The following CAMK4 variants were observed in gnomAD, a reference collection of about 807,000 sequenced individuals.
CAMK4 encodes calcium/calmodulin-dependent protein kinase type IV.
Under a neutral mutation model 44.9 loss-of-function variants are expected in CAMK4, and 22 were observed. The observed-to-expected ratio is 0.49, with a 90% CI of 0.35 to 0.70. The LOEUF (loss-of-function observed/expected upper bound fraction) is 0.70. Ranked by LOEUF, CAMK4 falls within the 30% of genes least tolerant of loss-of-function variation. CAMK4 has a pLI of 0.01. For synonymous variants in CAMK4, 218 were observed against 215.4 expected, an observed-to-expected ratio of 1.01 and a Z score of -0.11; for missense variants, 498 against 586.8, an observed-to-expected ratio of 0.85 and a Z score of 1.56.
intron 2 of CAMK4, among the ~76,000 whole-genome samples, chr5:111,362,764 T>C (rs1025887398): frequency 6.6e-6 from 1 of 151,990 alleles, no homozygotes; most frequent in African/African-American, 2.4e-5. Context: ...TTGGGAAATA[T>C]GAGGAGTAAA....
intron 5 of CAMK4, among the ~76,000 whole-genome samples, chr5:111,415,525 C>T (rs1580722331): frequency 6.6e-6 from 1 of 152,114 alleles, no homozygotes; most frequent in Non-Finnish European, 1.5e-5. Flanking sequence ...CTAAGGTCTA[C>T]AGTAAAAATA....
chr5:111,468,665 C>T lies in CAMK4; in HGVS notation c.626-4646C>T, dbSNP rs181015649. 7.9e-5 allele frequency among the ~76,000 whole-genome samples: 12 copies of T among 152,122 alleles called. No homozygotes were observed. In the South Asian group the frequency reaches 2.5e-3, roughly 32 times the overall value. The stretch of plus-strand genomic sequence containing the variant: ...GTGTTCTACTGGTTCTGAACAAAGT[C>T]AATGCCATATTAACTAGTAATTTAA... On this transcript the variant is annotated intron_variant, in intron 7 of 10. Coordinates refer to ENST00000282356, the MANE Select transcript of CAMK4 (RefSeq NM_001744.6).
chr5:111,341,027 C>T, intron 1 of CAMK4, among the ~76,000 whole-genome samples: 1 of 150,758 alleles, frequency 6.6e-6, no homozygotes, highest in Non-Finnish European at 1.5e-5. Flanking sequence ...TCTCTTAAGA[C>T]CCTTTACATT....
At chr5:111,259,353 A>G (rs1749882341) in intron 1 of CAMK4, among the ~76,000 whole-genome samples, 3 of 152,230 alleles carry the variant, frequency 2.0e-5, no homozygotes, top group Admixed American at 2.0e-4. Flanking sequence ...AAGTTGTAGC[A>G]ATGATAAAAA....
chr5:111,257,082 T>C (rs1348973070), intron 1 of CAMK4, among the ~76,000 whole-genome samples: 1 of 152,198 alleles, frequency 6.6e-6, no homozygotes, highest in Non-Finnish European at 1.5e-5. Context: ...ATTCAGGACA[T>C]AGGCATGGGC....
At chr5:111,280,724 C>T (rs1750974512) in intron 1 of CAMK4, among the ~76,000 whole-genome samples, 1 of 152,178 alleles carries the variant, frequency 6.6e-6, no homozygotes, top group African/African-American at 2.4e-5. Flanking sequence ...AACTGTGACA[C>T]AGTGAGCTCT....
chr5:111,284,877 A>G (rs1313293388), intron 1 of CAMK4, among the ~76,000 whole-genome samples: 1 of 152,178 alleles, frequency 6.6e-6, no homozygotes, highest in Non-Finnish European at 1.5e-5. Flanking sequence ...CTTTTTCTAA[A>G]TCATGAAAAA....
At chr5:111,235,984 C>T (rs547352515) in intron 1 of CAMK4, among the ~76,000 whole-genome samples, 1 of 152,356 alleles carries the variant, frequency 6.6e-6, no homozygotes, top group East Asian at 1.9e-4. Flanking sequence ...AAGACAGGAA[C>T]AGGCAGGACA....
At chr5:111,415,192 C>G (rs1246498254) in intron 5 of CAMK4, among the ~76,000 whole-genome samples, 1 of 152,128 alleles carries the variant, frequency 6.6e-6, no homozygotes, top group Non-Finnish European at 1.5e-5. Flanking sequence ...TGTGATCTGT[C>G]CTGACCTGAG....
chr5:111,390,165 C>A (rs533929709), intron 4 of CAMK4, among the ~76,000 whole-genome samples: 4 of 152,212 alleles, frequency 2.6e-5, no homozygotes, highest in African/African-American at 9.6e-5. Flanking sequence ...AATCTATTTT[C>A]TCCTTTCATT....
chr5:111,409,991 A>G (rs1431521150), intron 5 of CAMK4, among the ~76,000 whole-genome samples: 1 of 152,138 alleles, frequency 6.6e-6, no homozygotes, highest in Admixed American at 6.6e-5. Flanking sequence ...CCAAGTCCCT[A>G]GGAAGTTCCA....
At chr5:111,382,309 A>T (rs762448070) in intron 4 of CAMK4, among the ~76,000 whole-genome samples, 34 of 152,298 alleles carry the variant, frequency 2.2e-4, no homozygotes, top group Non-Finnish European at 3.7e-4. Context: ...GTGGAAACAA[A>T]TTGAATTTTC....
chr5:111,294,319 A>G (rs898747422), intron 1 of CAMK4, among the ~76,000 whole-genome samples: 1 of 152,198 alleles, frequency 6.6e-6, no homozygotes, highest in Non-Finnish European at 1.5e-5. Flanking sequence ...AAATTTGAGG[A>G]AAAATCACCC....
chr5:111,446,966 A>C (rs979470365), intron 6 of CAMK4, among the ~76,000 whole-genome samples, 190 bp downstream of exon 6: 1 of 152,314 alleles, frequency 6.6e-6, no homozygotes, highest in Non-Finnish European at 1.5e-5. Context: ...TATTTGGAAA[A>C]TATTGCTTAG....
chr5:111,309,559 T>A (rs1444312328), intron 1 of CAMK4, among the ~76,000 whole-genome samples: 1 of 152,136 alleles, frequency 6.6e-6, no homozygotes, highest in African/African-American at 2.4e-5. Flanking sequence ...TGACTCTGGT[T>A]CTGAGCCATT....
At chr5:111,413,235 T>C (rs533307213) in intron 5 of CAMK4, among the ~76,000 whole-genome samples, 72 of 152,250 alleles carry the variant, frequency 4.7e-4, no homozygotes, top group African/African-American at 1.6e-3. Flanking sequence ...AAAATAGGAT[T>C]TTAAATGGGG....
intron 1 of CAMK4, among the ~76,000 whole-genome samples, chr5:111,333,627 TAAG>T (rs1233426644): frequency 6.6e-6 from 1 of 151,550 alleles, no homozygotes; most frequent in African/African-American, 2.4e-5. Context: ...ATGTCTGAAA[TAAG>T]AGGAGCCATA....
At chr5:111,226,589 A>G (rs1748204120) in intron 1 of CAMK4, among the ~76,000 whole-genome samples, 2 of 152,256 alleles carry the variant, frequency 1.3e-5, no homozygotes, top group Admixed American at 1.3e-4. Flanking sequence ...TTTGGGCAAA[A>G]TCATCTAACA....
rs1020049309 is a variant in CAMK4, at chr5:111,367,959, G to C, written c.241-6891G>C. Among the ~76,000 whole-genome samples the C allele has an allele frequency of 2.6e-5, 4 of 152,116 alleles. No individual in the cohort carries two copies. In the East Asian group the frequency reaches 7.8e-4, roughly 30 times the overall value. On this transcript the variant is annotated intron_variant, in intron 2 of 10. Transcript: ENST00000282356. ...TTGGTGCTGAATGCATTGTGTCTCCGACCTTTCTGCATTTCCCTTTTTCCT... is the reference window on the plus strand; with the variant it reads ...TTGGTGCTGAATGCATTGTGTCTCCCACCTTTCTGCATTTCCCTTTTTCCT...
Sources: gnomAD v4.1 joint callset for allele counts (sites outside exome capture counted in the v4.1 genomes callset) on GRCh38, gnomAD v4.1.1 for gene constraint, MANE v1.5 for transcripts, NCBI Gene and HGNC (gene_info 2026-07-23, HGNC 2026-07-21) for gene names.